The following CDH5 variants were observed in gnomAD, a reference collection of about 807,000 sequenced individuals.
The protein encoded by CDH5 is cadherin-5.
Under a neutral mutation model 62.0 loss-of-function variants are expected in CDH5, and 28 were observed. The observed-to-expected ratio is 0.45, with a 90% CI of 0.33 to 0.62. CDH5 has a LOEUF of 0.62. CDH5 is among the 20% of genes least tolerant of loss of function. CDH5 has a pLI of 0.02. For missense variants in CDH5, 940 were observed against 1,065.1 expected (o/e 0.88, Z 1.63); for synonymous variants, 464 against 445.8 (o/e 1.04, Z -0.52).
intron 6 of CDH5, among the ~76,000 whole-genome samples, chr16:66,391,328 C>G (rs1171536042): frequency 6.6e-6 from 1 of 152,142 alleles, no homozygotes; most frequent in African/African-American, 2.4e-5. Flanking sequence ...GTAAGTGATA[C>G]ACAGCAGCTC....
intron 2 of CDH5, among the ~76,000 whole-genome samples, chr16:66,380,431 G>T (rs986624275): frequency 1.3e-5 from 2 of 150,232 alleles, no homozygotes; most frequent in Non-Finnish European, 3.0e-5. Context: ...GGTGGTCGTT[G>T]TGATGATGGT....
At position 66,379,550 on chromosome 16, in the gene CDH5, A is replaced by G; in HGVS notation, c.210+3A>G. On this transcript the variant is annotated splice_donor_region_variant and intron_variant, in intron 2 of 11. Transcript: ENST00000341529. ...CACTTCCCCATCATGTAGGCAAGGTAAGGCTCAAGCCCCAGGACAGGAGAA... is the reference window on the plus strand; with the variant it reads ...CACTTCCCCATCATGTAGGCAAGGTGAGGCTCAAGCCCCAGGACAGGAGAA... 6.2e-7 allele frequency: 1 copy of G among 1,613,886 alleles called. No homozygotes were observed.
chr16:66,394,181 C>T (rs1411760365), intron 7 of CDH5, among the ~76,000 whole-genome samples: 1 of 152,118 alleles, frequency 6.6e-6, no homozygotes, highest in Non-Finnish European at 1.5e-5. Context: ...AACTATTTTA[C>T]CTTCATTATG....
chr16:66,386,128 A>G (rs1009320317), intron 2 of CDH5, among the ~76,000 whole-genome samples: 3 of 152,190 alleles, frequency 2.0e-5, no homozygotes, highest in Admixed American at 6.5e-5. Flanking sequence ...TTGCCTTCCA[A>G]TGGCACCAGG....
At chr16:66,385,082 G>T (rs1978815) in intron 2 of CDH5, among the ~76,000 whole-genome samples, 1 of 152,052 alleles carries the variant, frequency 6.6e-6, no homozygotes, top group African/African-American at 2.4e-5. Context: ...CCTAGTGGGG[G>T]CCTGGCACCT....
chr16:66,374,423 C>A (rs78556544), intron 1 of CDH5, among the ~76,000 whole-genome samples: 1 of 152,164 alleles, frequency 6.6e-6, no homozygotes, highest in Non-Finnish European at 1.5e-5. Flanking sequence ...GGTGACTCTG[C>A]GAGAGCCAGT....
chr16:66,390,848 G>A (rs572898636), intron 6 of CDH5, among the ~76,000 whole-genome samples: 19 of 152,322 alleles, frequency 1.2e-4, no homozygotes, highest in Admixed American at 1.3e-4. Context: ...GACCCACTGC[G>A]GGGTAAGTGT....
intron 2 of CDH5, among the ~76,000 whole-genome samples, chr16:66,382,471 A>G (rs1960914451): frequency 6.6e-6 from 1 of 152,182 alleles, no homozygotes; most frequent in East Asian, 1.9e-4. Context: ...TGTGTCATAC[A>G]GGAAAATGTC....
chr16:66,379,434 C>G lies in CDH5; in HGVS notation c.97C>G (p.Arg33Gly). 1.2e-6 allele frequency: 2 copies of G among 1,614,186 alleles called. No homozygotes were observed. The highest frequency in any genetic ancestry group is 1.7e-6 in the Non-Finnish European group (2 of 1,180,018). The change falls in exon 2 of 12, where the codon CGG becomes GGG. Residue 33 changes from arginine (R) to glycine (G), a missense_variant. Transcript: ENST00000341529. ...AGCAGCAGGTGCTAACCCTGCCCAACGGGACACCCACAGCCTGCTGCCCAC... is the reference window on the plus strand; with the variant it reads ...AGCAGCAGGTGCTAACCCTGCCCAAGGGGACACCCACAGCCTGCTGCCCAC... ...VAAAGANPAQ[R>G]DTHSLLPTHR...
Position 66,398,125 on chromosome 16 carries a change from G to A in CDH5, c.1485+19G>A, listed in dbSNP as rs1430799672. Reference sequence around the variant, plus strand: ...TGGCCAGGTGAGTCTGGTTCAGGTGGGAGGGGAAGGCAGCACCACCCTGGG... The same window carrying A: ...TGGCCAGGTGAGTCTGGTTCAGGTGAGAGGGGAAGGCAGCACCACCCTGGG... On this transcript the variant is annotated intron_variant, in intron 9 of 11. Transcript: ENST00000341529. The A allele has an allele frequency of 6.2e-7, 1 of 1,614,204 alleles. No homozygotes were observed. Among genetic ancestry groups the A allele is most frequent in the Non-Finnish European group, 8.5e-7 (1 of 1,180,010 alleles).
chr16:66,379,811 A>ATGG lies in CDH5; in HGVS notation c.210+270_210+272dup, dbSNP rs1287554061. ...CAAGGTGGTGGTGGGAGTGGTGAGA[A>ATGG]TGGTGGTGATGGTAGTGATGATAAA... On this transcript the variant is annotated intron_variant, in intron 2 of 11. Transcript: ENST00000341529. 2.7e-5 allele frequency among the ~76,000 whole-genome samples: 4 copies of ATGG among 150,652 alleles called. No individual in the cohort carries two copies. The East Asian group carries it at 5.9e-4, about 22-fold the overall frequency.
intron 1 of CDH5, among the ~76,000 whole-genome samples, chr16:66,374,222 C>A (rs908394273): frequency 1.3e-5 from 2 of 152,152 alleles, no homozygotes; most frequent in African/African-American, 4.8e-5. Flanking sequence ...CCTCCTCCAC[C>A]GTCCCAGGCG....
chr16:66,388,453 A>T lies in CDH5; in HGVS notation c.616+13A>T. 3 of 1,503,292 alleles carry T rather than the reference A, an allele frequency of 2.0e-6. No individual in the cohort carries two copies. Among genetic ancestry groups the T allele is most frequent in the Non-Finnish European group, 2.8e-6 (3 of 1,079,058 alleles). The allele number at this position is 1,503,292 out of a possible 1,614,324, so 93.1% of individuals were successfully genotyped here. ...ATCGATAATTCTGGTCTGTGTGACT[A>T]ACACTCCTGGACAGTCACTGATTTG... On this transcript the variant is annotated intron_variant, in intron 4 of 11. Transcript: ENST00000341529.
intron 2 of CDH5, among the ~76,000 whole-genome samples, chr16:66,383,797 CTTG>C (rs1330919917): frequency 6.6e-6 from 1 of 152,148 alleles, no homozygotes; most frequent in Admixed American, 6.5e-5. Context: ...CTCCAAGATG[CTTG>C]TTGCTGCCCA....
In CDH5 at chr16:66,403,524, T is replaced by A; in HGVS notation, c.*355T>A. The A allele has an allele frequency of 3.5e-6, 1 of 282,420 alleles. No homozygotes were observed. Among genetic ancestry groups the A allele is most frequent in the Non-Finnish European group, 6.8e-6 (1 of 147,632 alleles). 17.5% of individuals were successfully genotyped at this position (282,420 alleles called of 1,614,324 possible). On this transcript the variant is annotated 3_prime_UTR_variant, in exon 12 of 12. Coordinates refer to ENST00000341529, the MANE Select transcript of CDH5 (RefSeq NM_001795.5). The surrounding 1 kb of genome is among the most constrained non-coding windows in gnomAD (Gnocchi z 4.3). Reference sequence around the variant, plus strand: ...GACTGTGTTTAACTGCTGCAGGGTCTTTTTCTAGGGTCCCTGAACGCCCTG... The same window carrying A: ...GACTGTGTTTAACTGCTGCAGGGTCATTTTCTAGGGTCCCTGAACGCCCTG...
At chr16:66,381,912 T>A (rs1378721444) in intron 2 of CDH5, among the ~76,000 whole-genome samples, 1 of 152,252 alleles carries the variant, frequency 6.6e-6, no homozygotes, top group South Asian at 2.1e-4. Flanking sequence ...CCCTGCCCTT[T>A]ACAGAAACAG....
In CDH5 at chr16:66,396,166, A is replaced by T; in HGVS notation, c.1325A>T (p.Asn442Ile). The T allele has an allele frequency of 6.2e-7, 1 of 1,614,190 alleles. No individual in the cohort carries two copies. Among genetic ancestry groups the T allele is most frequent in the Non-Finnish European group, 8.5e-7 (1 of 1,180,016 alleles). The change falls in exon 8 of 12, where the codon AAC (asparagine) becomes ATC (isoleucine). Residue 442 changes from asparagine (N) to isoleucine (I), a missense_variant. Coordinates refer to ENST00000341529, the MANE Select transcript of CDH5 (RefSeq NM_001795.5). ...ELDREVYPWY[N>I]LTVEAKELDS... ...GACAGAGAAGTCTACCCCTGGTATA[A>T]CCTGACTGTGGAGGCCAAAGAACTG...
At position 66,398,196 on chromosome 16, in the gene CDH5, C is replaced by T; in HGVS notation, c.1485+90C>T. On this transcript the variant is annotated intron_variant, in intron 9 of 11. Transcript: ENST00000341529. Reference sequence around the variant, plus strand: ...GCTCAACAGAGTCAGCAGGAGTTCCCCTGTACAATAGCCTTGAGGAAAATA... The same window carrying T: ...GCTCAACAGAGTCAGCAGGAGTTCCTCTGTACAATAGCCTTGAGGAAAATA... 3 of 1,453,240 alleles carry T rather than the reference C, an allele frequency of 2.1e-6. No individual in the cohort carries two copies. In the South Asian group the frequency reaches 3.4e-5, roughly 17 times the overall value. The allele number at this position is 1,453,240 out of a possible 1,614,324, so 90.0% of individuals were successfully genotyped here.
intron 10 of CDH5, among the ~76,000 whole-genome samples, chr16:66,398,909 T>C (rs1270339721): frequency 2.6e-5 from 4 of 152,172 alleles, no homozygotes; most frequent in African/African-American, 7.2e-5. Context: ...AATTGGTCTA[T>C]GCAATGGTCA....
Sources: gnomAD v4.1 joint callset for allele counts (sites outside exome capture counted in the v4.1 genomes callset) on GRCh38, gnomAD v4.1.1 for gene constraint, Gnocchi (gnomAD v3.1) non-coding constraint, MANE v1.5 for transcripts, NCBI Gene and HGNC (gene_info 2026-07-23, HGNC 2026-07-21) for gene names.